Variants in NETO2 observed in about 807,000 individuals in gnomAD.
NETO2 encodes neuropilin and tolloid like 2, also known as neuropilin and tolloid-like protein 2.
Under a neutral mutation model 62.5 loss-of-function variants are expected in NETO2, and 28 were observed. The observed-to-expected ratio is 0.45, with a 90% CI of 0.33 to 0.61. NETO2 has a LOEUF of 0.61. Ranked by LOEUF, NETO2 falls within the 20% of genes least tolerant of loss-of-function variation. NETO2 has a pLI of 0.02. For missense variants in NETO2, 548 were observed against 643.2 expected, an observed-to-expected ratio of 0.85 and a Z score of 1.60; for synonymous variants, 214 against 219.1, an observed-to-expected ratio of 0.98 and a Z score of 0.21.
In NETO2 at chr16:47,087,572, T is replaced by C. The variant is rs1182709002; in HGVS notation, c.884-1233A>G. 2.0e-5 allele frequency among the ~76,000 whole-genome samples: 3 copies of C among 152,288 alleles called. No individual in the cohort carries two copies. In the East Asian group the frequency reaches 5.8e-4, roughly 29 times the overall value. The stretch of plus-strand genomic sequence containing the variant: ...ATGTACTTAATGCTACTGAACTGTA[T>C]ACTTAAAATGGCTAAAATAATAAAT... On this transcript the variant is annotated intron_variant, in intron 7 of 8. Coordinates refer to ENST00000562435, the MANE Select transcript of NETO2 (RefSeq NM_018092.5).
intron 6 of NETO2, among the ~76,000 whole-genome samples, chr16:47,114,584 G>A (rs935064880): frequency 2.7e-5 from 4 of 150,560 alleles, no homozygotes; most frequent in Non-Finnish European, 5.9e-5. Flanking sequence ...CTGAGTAGCT[G>A]GGACTACAGG....
At chr16:47,090,959 T>G (rs1001653361) in intron 7 of NETO2, among the ~76,000 whole-genome samples, 24 of 152,198 alleles carry the variant, frequency 1.6e-4, no homozygotes, top group African/African-American at 5.8e-4. Context: ...AAACCTCTTC[T>G]GAAATACTAA....
intron 7 of NETO2, among the ~76,000 whole-genome samples, chr16:47,106,883 G>A (rs1963687728): frequency 6.6e-6 from 1 of 151,822 alleles, no homozygotes; most frequent in South Asian, 2.1e-4. Flanking sequence ...CCAGTTTCAA[G>A]CAATTTTCAT....
intron 8 of NETO2, among the ~76,000 whole-genome samples, chr16:47,085,016 A>G (rs7193342): frequency 0.021 from 3,200 of 152,216 alleles, 117 homozygotes; most frequent in African/African-American, 0.073. Flanking sequence ...AGTCCTTGGT[A>G]CCAAAAAGGT....
intron 7 of NETO2, among the ~76,000 whole-genome samples, chr16:47,104,706 G>A (rs984062849): frequency 6.6e-6 from 1 of 152,120 alleles, no homozygotes; most frequent in Non-Finnish European, 1.5e-5. Flanking sequence ...TAAGAGGCCA[G>A]AAATAAATCT....
chr16:47,099,853 A>G (rs1963505491), intron 7 of NETO2, among the ~76,000 whole-genome samples: 1 of 152,202 alleles, frequency 6.6e-6, no homozygotes, highest in Non-Finnish European at 1.5e-5. Flanking sequence ...CTCCCACACA[A>G]TAATAGTGAA....
intron 2 of NETO2, among the ~76,000 whole-genome samples, chr16:47,130,308 C>G (rs1290461528): frequency 6.6e-6 from 1 of 152,126 alleles, no homozygotes; most frequent in East Asian, 1.9e-4. Flanking sequence ...TCCCCAGTGT[C>G]AGATCTGTCA....
At chr16:47,106,805 G>T (rs1305292103) in intron 7 of NETO2, among the ~76,000 whole-genome samples, 10 of 150,544 alleles carry the variant, frequency 6.6e-5, no homozygotes, top group Non-Finnish European at 1.3e-4. Flanking sequence ...TTTGAGACAG[G>T]GTCTCACTCT....
chr16:47,129,367 T>C lies in NETO2; in HGVS notation c.92-3A>G, dbSNP rs766691286. 58 of 1,613,364 alleles carry C rather than the reference T, an allele frequency of 3.6e-5. No individual in the cohort carries two copies. The highest frequency in any genetic ancestry group is 3.0e-5 in the Non-Finnish European group (35 of 1,179,838). ...CTTGATTCCAATATTTTGTCCATCT[T>C]AGGGAAAAACGGCATTTAAAACACT... On this transcript the variant is annotated splice_polypyrimidine_tract_variant and splice_region_variant and intron_variant, in intron 2 of 8. Coordinates refer to ENST00000562435, the MANE Select transcript of NETO2 (RefSeq NM_018092.5).
chr16:47,086,368 G>T, intron 7 of NETO2, 29 bp from the exon 8 acceptor site: 1 of 1,453,282 alleles, frequency 6.9e-7, no homozygotes, highest in South Asian at 1.1e-5. Context: ...GTGTTGCAAA[G>T]AGCAGGCAGA....
At chr16:47,139,757 G>T (rs772946944) in intron 1 of NETO2, among the ~76,000 whole-genome samples, 1 of 152,196 alleles carries the variant, frequency 6.6e-6, no homozygotes, top group Admixed American at 6.5e-5. Context: ...AATCACTTTA[G>T]TAAGAAAGAG....
intron 6 of NETO2, among the ~76,000 whole-genome samples, chr16:47,121,839 C>T (rs1964046957): frequency 6.6e-6 from 1 of 152,126 alleles, no homozygotes. Context: ...ATTTCTCATC[C>T]ATAAGCATTA....
At chr16:47,139,882 T>TC (rs1964429855) in intron 1 of NETO2, among the ~76,000 whole-genome samples, 1 of 152,234 alleles carries the variant, frequency 6.6e-6, no homozygotes, top group South Asian at 2.1e-4. Context: ...ACATCAGTCC[T>TC]CCTGACTGTA....
chr16:47,101,077 G>C (rs553325195), intron 7 of NETO2, among the ~76,000 whole-genome samples: 19 of 152,150 alleles, frequency 1.2e-4, no homozygotes, highest in Non-Finnish European at 2.5e-4. Context: ...ACTAAATCCA[G>C]CAGCACATCA....
chr16:47,133,332 T>C (rs995902638), intron 1 of NETO2, among the ~76,000 whole-genome samples: 1 of 151,512 alleles, frequency 6.6e-6, no homozygotes, highest in African/African-American at 2.4e-5. Context: ...TCCCAACACC[T>C]TGGGAGGCTG....
intron 6 of NETO2, among the ~76,000 whole-genome samples, chr16:47,120,312 G>C (rs1373899283): frequency 6.6e-6 from 1 of 152,044 alleles, no homozygotes; most frequent in Non-Finnish European, 1.5e-5. Flanking sequence ...TTTAACTGTA[G>C]CATTTAATTC....
chr16:47,138,468 AAAC>A (rs1266597627), intron 1 of NETO2, among the ~76,000 whole-genome samples: 4 of 152,224 alleles, frequency 2.6e-5, no homozygotes, highest in Admixed American at 6.5e-5. Flanking sequence ...TAAACAACAA[AAAC>A]AACAATTCCC....
At chr16:47,096,210 A>C (rs866625249) in intron 7 of NETO2, among the ~76,000 whole-genome samples, 1 of 152,224 alleles carries the variant, frequency 6.6e-6, no homozygotes, top group Non-Finnish European at 1.5e-5. Flanking sequence ...TTAAAAAAGA[A>C]GAAACAACTT....
intron 4 of NETO2, among the ~76,000 whole-genome samples, chr16:47,127,152 AAAAT>A (rs1964173502): frequency 1.3e-5 from 2 of 152,256 alleles, no homozygotes; most frequent in African/African-American, 4.8e-5. Flanking sequence ...TCTTGCACGA[AAAAT>A]AAAAGCAAAA....
Sources: gnomAD v4.1 joint callset for allele counts (sites outside exome capture counted in the v4.1 genomes callset) on GRCh38, gnomAD v4.1.1 for gene constraint, MANE v1.5 for transcripts, NCBI Gene and HGNC (gene_info 2026-07-23, HGNC 2026-07-21) for gene names.